Variants in TMTC1 observed in about 807,000 individuals in gnomAD.
TMTC1 encodes the protein transmembrane O-mannosyltransferase targeting cadherins 1, also known as protein O-mannosyl-transferase TMTC1.
Under a neutral mutation model 104.8 loss-of-function variants are expected in TMTC1, and 73 were observed. The observed-to-expected ratio is 0.70, with a 90% confidence interval of 0.58 to 0.85. The LOEUF is 0.85. Ranked by LOEUF, TMTC1 falls within the 40% of genes least tolerant of loss-of-function variation. The probability of loss-of-function intolerance (pLI) is 0.00; values close to 1 mark genes in which losing one functional copy is unlikely to be tolerated. For synonymous variants in TMTC1, 434 were observed against 428.7 expected (o/e 1.01, Z -0.15); for missense variants, 1,035 against 1,096.1 (o/e 0.94, Z 0.79).
rs1369605692 is a variant in TMTC1 at position 29,751,834 on chromosome 12, G to C, written c.770C>G (p.Pro257Arg). 1 of 1,592,616 alleles carries C rather than the reference G, an allele frequency of 6.3e-7. No individual in the cohort carries two copies. The highest frequency in any genetic ancestry group is 8.6e-7 in the Non-Finnish European group (1 of 1,169,290). ...GALCPRSPQQ[P>R]GSPQPSSLPG... ...CAGTGAGGAGGGCTGGGGGCTCCCG[G>C]GCTGCTGTGGGCTGCGTGGACAGAG... The change falls in exon 5 of 18, where the codon CCC becomes CGC. Residue 257 changes from proline to arginine, a missense_variant. By Grantham distance (103) the Pro-to-Arg change is moderately radical. Coordinates refer to ENST00000539277, the MANE Select transcript of TMTC1 (RefSeq NM_001193451.2).
chr12:29,627,941 C>T (rs1169902822), intron 6 of TMTC1, among the ~76,000 whole-genome samples: 1 of 152,188 alleles, frequency 6.6e-6, no homozygotes, highest in Non-Finnish European at 1.5e-5. Context: ...CAAAAAGACG[C>T]AGCTTCCTTA....
At chr12:29,625,067 T>G (rs1466247863) in intron 6 of TMTC1, among the ~76,000 whole-genome samples, 96 of 152,210 alleles carry the variant, frequency 6.3e-4, no homozygotes, top group Non-Finnish European at 1.5e-4. Context: ...ATAAAATAAT[T>G]TCAGCTCGAT....
At chr12:29,542,584 T>A (rs1348045789) in intron 10 of TMTC1, among the ~76,000 whole-genome samples, 1 of 152,174 alleles carries the variant, frequency 6.6e-6, no homozygotes, top group African/African-American at 2.4e-5. Context: ...CCAGGACTGA[T>A]AAGATTCAGC....
At position 29,644,149 on chromosome 12, in the gene TMTC1, G is replaced by GTGTGTATATA. The variant is rs1174156187; in HGVS notation, c.939-10814_939-10813insTATATACACA. On this transcript the variant is annotated intron_variant, in intron 5 of 17. Coordinates refer to ENST00000539277, the MANE Select transcript of TMTC1 (RefSeq NM_001193451.2). ...TGTGTGTGTGTGTGTGTGTGTGTGT[G>GTGTGTATATA]TATATATATATATAATGAAATACTA... 4.0e-5 allele frequency among the ~76,000 whole-genome samples: 2 copies of GTGTGTATATA among 49,388 alleles called. 1 individual carries two copies. Among genetic ancestry groups the GTGTGTATATA allele is most frequent in the Admixed American group, 4.4e-4 (2 of 4,514 alleles). The allele number at this position is 49,388 out of a possible 152,430, so 32.4% of individuals were successfully genotyped here. A position where few individuals can be genotyped will look rare whatever the true frequency, so the allele number is the denominator to read the frequency against.
At chr12:29,706,282 G>A (rs1403694935) in intron 5 of TMTC1, among the ~76,000 whole-genome samples, 1 of 152,198 alleles carries the variant, frequency 6.6e-6, no homozygotes, top group Non-Finnish European at 1.5e-5. Flanking sequence ...TAGATGGGGA[G>A]AGATGTGTGC....
chr12:29,742,477 T>C (rs987817059), intron 5 of TMTC1, among the ~76,000 whole-genome samples: 2 of 152,190 alleles, frequency 1.3e-5, no homozygotes, highest in Non-Finnish European at 1.5e-5. Context: ...ATAAACATCA[T>C]GGTTTGAATA....
chr12:29,755,182 C>A (rs976874192), intron 4 of TMTC1, among the ~76,000 whole-genome samples: 2 of 152,098 alleles, frequency 1.3e-5, no homozygotes, highest in Non-Finnish European at 2.9e-5. Context: ...TAAGCTTGTT[C>A]ATTAATTTGA....
intron 6 of TMTC1, 142 bp downstream of exon 6, chr12:29,633,005 G>A (rs1938374219): frequency 1.5e-6 from 1 of 647,254 alleles, no homozygotes; most frequent in South Asian, 2.7e-5. Flanking sequence ...GCCATGGTAT[G>A]TTATTACCCG....
intron 6 of TMTC1, among the ~76,000 whole-genome samples, chr12:29,631,366 G>C (rs984939597): frequency 2.8e-4 from 43 of 152,088 alleles, no homozygotes; most frequent in African/African-American, 9.9e-4. Flanking sequence ...TAGAAATTTT[G>C]GTGTAATTTG....
chr12:29,682,483 T>G (rs1219021355), intron 5 of TMTC1, among the ~76,000 whole-genome samples: 1 of 152,010 alleles, frequency 6.6e-6, no homozygotes, highest in Non-Finnish European at 1.5e-5. Context: ...GAAAAAAAAT[T>G]TACTAAAAAA....
intron 10 of TMTC1, among the ~76,000 whole-genome samples, chr12:29,538,246 A>G (rs906835452): frequency 6.6e-6 from 1 of 152,202 alleles, no homozygotes; most frequent in African/African-American, 2.4e-5. Flanking sequence ...CATGACTTCC[A>G]TACACACACT....
chr12:29,583,380 TA>T, intron 8 of TMTC1, 26 bp downstream of exon 8: 1 of 1,595,802 alleles, frequency 6.3e-7, no homozygotes, highest in Non-Finnish European at 8.5e-7. Context: ...AACAGGAAGA[TA>T]TTTATTTTTA....
chr12:29,577,014 A>C (rs1945842751), intron 8 of TMTC1, among the ~76,000 whole-genome samples: 2 of 152,316 alleles, frequency 1.3e-5, no homozygotes, highest in South Asian at 4.1e-4. Flanking sequence ...AAATAATATC[A>C]TAAATGGTGT....
chr12:29,739,971 G>A (rs767620930), intron 5 of TMTC1, among the ~76,000 whole-genome samples: 26 of 152,004 alleles, frequency 1.7e-4, no homozygotes, highest in Non-Finnish European at 3.4e-4. Flanking sequence ...CTCCCGAAGT[G>A]CTGGGATTAC....
chr12:29,530,372 G>A (rs1944467957), intron 11 of TMTC1, among the ~76,000 whole-genome samples: 1 of 152,138 alleles, frequency 6.6e-6, no homozygotes, highest in African/African-American at 2.4e-5. Flanking sequence ...TTCTGCAGCA[G>A]AGCTCCCTTC....
At chr12:29,552,186 T>C (rs905608854) in intron 10 of TMTC1, among the ~76,000 whole-genome samples, 9 of 152,154 alleles carry the variant, frequency 5.9e-5, no homozygotes, top group Admixed American at 6.5e-5. Flanking sequence ...AGCCACAAAT[T>C]ACATGTGGCT....
rs746800047 is a variant in TMTC1 at position 29,767,901 on chromosome 12, C to T, written c.477G>A (p.Glu159=). 1 of 1,613,496 alleles carries T rather than the reference C, an allele frequency of 6.2e-7. No individual in the cohort carries two copies. Among genetic ancestry groups the T allele is most frequent in the Non-Finnish European group, 8.5e-7 (1 of 1,179,712 alleles). ...LLFAVHPIHT[E]AVAGIVGRAD... is the part of the protein sequence containing the mutation. The stretch of plus-strand genomic sequence containing the variant: ...ACTGAGATCCAATTACACTTACCGC[C>T]TCAGTATGAATAGGATGTACAGCAA... Residue 159 remains glutamate (E), a synonymous_variant, in exon 2 of 18, where the codon GAG becomes GAA. Transcript: ENST00000539277.
At chr12:29,516,585 A>C in intron 14 of TMTC1, 99 bp from the exon 15 acceptor site, 2 of 1,348,952 alleles carry the variant, frequency 1.5e-6, no homozygotes, top group South Asian at 1.8e-5. Flanking sequence ...CCTGACAAAC[A>C]TGCTCAGCAT....
At chr12:29,581,473 T>C (rs1440458203) in intron 8 of TMTC1, among the ~76,000 whole-genome samples, 1 of 152,184 alleles carries the variant, frequency 6.6e-6, no homozygotes, top group African/African-American at 2.4e-5. Context: ...AATGGTTGTG[T>C]TTTAGAAATC....
Sources: gnomAD v4.1 joint callset for allele counts (sites outside exome capture counted in the v4.1 genomes callset) on GRCh38, gnomAD v4.1.1 for gene constraint, MANE v1.5 for transcripts, NCBI Gene and HGNC (gene_info 2026-07-23, HGNC 2026-07-21) for gene names.